The following HHIPL1 variants were observed in gnomAD, a reference collection of about 807,000 sequenced individuals.
The protein encoded by HHIPL1 is HHIP like 1, also known as HHIP-like protein 1.
In HHIPL1, 43 loss-of-function variants were observed where a neutral mutation model predicts 61.8. That is an observed-to-expected ratio of 0.70 (90% CI 0.55 to 0.90). HHIPL1 has a LOEUF of 0.90. HHIPL1 is among the 40% of genes least tolerant of loss of function. The probability of loss-of-function intolerance (pLI) is 0.00; values close to 1 mark genes in which losing one functional copy is unlikely to be tolerated. For synonymous variants in HHIPL1, 482 were observed against 515.8 expected (o/e 0.93, Z 0.89); for missense variants, 1,056 against 1,157.7 (o/e 0.91, Z 1.28).
chr14:99,630,157 A>G, the HHIPL1 span, among the ~76,000 whole-genome samples: 1 of 152,192 alleles, frequency 6.6e-6, no homozygotes, highest in South Asian at 2.1e-4. Flanking sequence ...GTGGCTATGG[A>G]TTCAGCCCCG....
intron 1 of HHIPL1, among the ~76,000 whole-genome samples, chr14:99,645,669 G>C (rs1384681759): frequency 6.6e-6 from 1 of 152,210 alleles, no homozygotes; most frequent in Non-Finnish European, 1.5e-5. Context: ...TTTGTGACTT[G>C]GGCCTTCTCG....
chr14:99,627,688 T>C, the HHIPL1 span, among the ~76,000 whole-genome samples: 1 of 152,194 alleles, frequency 6.6e-6, no homozygotes, highest in Non-Finnish European at 1.5e-5. This position sits in a 1 kb window ranked among gnomAD's most constrained non-coding sequence, Gnocchi z 4.4. Context: ...CCAGGTAAGC[T>C]GGGCTTGGCC....
chr14:99,659,390 G>A, intron 3 of HHIPL1, 38 bp from the exon 4 acceptor site: 1 of 1,385,858 alleles, frequency 7.2e-7, no homozygotes, highest in Non-Finnish European at 9.3e-7. Flanking sequence ...CTGGCTCAGG[G>A]CGACCCCGAG....
the HHIPL1 span, among the ~76,000 whole-genome samples, chr14:99,617,937 G>A: frequency 2.6e-5 from 4 of 152,192 alleles, no homozygotes; most frequent in Non-Finnish European, 5.9e-5. Context: ...ATGTTTGGGG[G>A]TCTGTAGCAG....
the HHIPL1 span, among the ~76,000 whole-genome samples, chr14:99,611,339 G>A: frequency 1.3e-5 from 2 of 150,462 alleles, no homozygotes; most frequent in Non-Finnish European, 3.0e-5. Flanking sequence ...TGTCACCCAG[G>A]CTGGAGTGCA....
the HHIPL1 span, among the ~76,000 whole-genome samples, chr14:99,616,203 G>T: frequency 6.6e-6 from 1 of 152,142 alleles, no homozygotes. Flanking sequence ...TTCAGTACAG[G>T]TACATGCTGT....
the HHIPL1 span, among the ~76,000 whole-genome samples, chr14:99,624,356 G>A: frequency 1.3e-5 from 2 of 152,206 alleles, no homozygotes; most frequent in African/African-American, 2.4e-5. Flanking sequence ...ATCTGTGGAT[G>A]GGTCAGCAGC....
intron 1 of HHIPL1, among the ~76,000 whole-genome samples, chr14:99,650,297 G>A (rs2055905533): frequency 6.6e-6 from 1 of 152,206 alleles, no homozygotes; most frequent in Non-Finnish European, 1.5e-5. Context: ...TGAGGGGAGG[G>A]AGTGTGTGGC....
Position 99,659,300 on chromosome 14 carries a change from C to T in HHIPL1, c.1047-128C>T. Reference sequence around the variant, plus strand: ...GCGGACAGCATCCCAGGGTCTCTGGCCCCACAGCCTAGGCTCACCCTGCAC... The same window carrying T: ...GCGGACAGCATCCCAGGGTCTCTGGTCCCACAGCCTAGGCTCACCCTGCAC... On this transcript the variant is annotated intron_variant, in intron 3 of 8. Transcript: ENST00000330710. The T allele has an allele frequency of 6.0e-6, 4 of 665,150 alleles. No individual in the cohort carries two copies. The South Asian group carries it at 7.7e-5, about 13-fold the overall frequency. 41.2% of individuals were successfully genotyped at this position (665,150 alleles called of 1,614,324 possible). A position where few individuals can be genotyped will look rare whatever the true frequency, so the allele number is the denominator to read the frequency against.
chr14:99,679,038 T>C lies in HHIPL1; in HGVS notation c.*3412T>C, dbSNP rs1156994157. 6.6e-6 allele frequency: 1 copy of C among 152,270 alleles called. No homozygotes were observed. Among genetic ancestry groups the C allele is most frequent in the Non-Finnish European group, 1.5e-5 (1 of 68,048 alleles). The allele number at this position is 152,270 out of a possible 1,614,324, so 9.4% of individuals were successfully genotyped here. A position where few individuals can be genotyped will look rare whatever the true frequency, so the allele number is the denominator to read the frequency against. ...TGTAATCCTCATATTAATGCACATT[T>C]ACTCACGTGGAAGCCGAGTTCCAGG... On this transcript the variant is annotated 3_prime_UTR_variant, in exon 9 of 9. Coordinates refer to ENST00000330710, the MANE Select transcript of HHIPL1 (RefSeq NM_001127258.3).
chr14:99,655,607 G>C (rs553747353), intron 2 of HHIPL1, among the ~76,000 whole-genome samples: 2 of 152,048 alleles, frequency 1.3e-5, no homozygotes, highest in Non-Finnish European at 2.9e-5. Flanking sequence ...CTGGGTGGTA[G>C]AGTCTCAAAA....
At chr14:99,621,364 C>T in the HHIPL1 span, among the ~76,000 whole-genome samples, 3 of 152,160 alleles carry the variant, frequency 2.0e-5, no homozygotes, top group Non-Finnish European at 4.4e-5. Context: ...CACAGAAGGC[C>T]GCCCTCTGTC....
intron 7 of HHIPL1, among the ~76,000 whole-genome samples, chr14:99,670,719 G>A (rs1055781928): frequency 2.6e-5 from 4 of 152,228 alleles, no homozygotes; most frequent in Admixed American, 6.5e-5. Context: ...TGGATCACAC[G>A]CAGACTTGGT....
the HHIPL1 span, among the ~76,000 whole-genome samples, chr14:99,619,103 C>T: frequency 5.9e-5 from 9 of 152,092 alleles, no homozygotes; most frequent in African/African-American, 1.2e-4. Context: ...CTATCCCTCC[C>T]GACACCCCGT....
chr14:99,664,626 C>T (rs967315053), intron 6 of HHIPL1, among the ~76,000 whole-genome samples: 1 of 152,190 alleles, frequency 6.6e-6, no homozygotes, highest in African/African-American at 2.4e-5. Context: ...CCCTCAGCTC[C>T]CACTTCTGCT....
chr14:99,660,142 TGGGC>T lies in HHIPL1; in HGVS notation c.1376-137_1376-134del. On this transcript the variant is annotated intron_variant, in intron 4 of 8. Transcript: ENST00000330710. This position sits in a 1 kb window ranked among gnomAD's most constrained non-coding sequence, Gnocchi z 4.9. ...GCTTTCCACCACGCCAGCCCTGCTG[TGGGC>T]ACGCCAGCCCTGCTGTGGGCACGCC... 5 of 700,668 alleles carry T rather than the reference TGGGC, an allele frequency of 7.1e-6. No homozygotes were observed. Among genetic ancestry groups the T allele is most frequent in the South Asian group, 2.5e-5 (1 of 39,426 alleles). The allele number at this position is 700,668 out of a possible 1,614,324, so 43.4% of individuals were successfully genotyped here. A position where few individuals can be genotyped will look rare whatever the true frequency, so the allele number is the denominator to read the frequency against.
chr14:99,645,340 T>A lies in HHIPL1; in HGVS notation c.133T>A (p.Phe45Ile). ...PLRLCAQYSD[F>I]GCCDEGRDAE... ...GCGCCTCTGCGCGCAGTACTCGGAC[T>A]TCGGCTGCTGCGATGAGGGGCGCGA... The change falls in exon 1 of 9, where the codon TTC becomes ATC. Residue 45 changes from phenylalanine (F) to isoleucine (I), a missense_variant. Coordinates refer to ENST00000330710, the MANE Select transcript of HHIPL1 (RefSeq NM_001127258.3). 6.9e-7 allele frequency: 1 copy of A among 1,455,654 alleles called. No homozygotes were observed. The highest frequency in any genetic ancestry group is 1.3e-5 in the South Asian group (1 of 74,806). 90.2% of individuals were successfully genotyped at this position (1,455,654 alleles called of 1,614,324 possible).
At chr14:99,637,970 C>T in the HHIPL1 span, among the ~76,000 whole-genome samples, 5 of 152,220 alleles carry the variant, frequency 3.3e-5, no homozygotes, top group African/African-American at 1.2e-4. Flanking sequence ...CTGAGGCACA[C>T]AGTTCTTCGT....
At chr14:99,621,106 A>G in the HHIPL1 span, among the ~76,000 whole-genome samples, 1 of 151,936 alleles carries the variant, frequency 6.6e-6, no homozygotes, top group African/African-American at 2.4e-5. Flanking sequence ...TGTTATGCCC[A>G]CTTTTTTTTT....
Sources: gnomAD v4.1 joint callset for allele counts (sites outside exome capture counted in the v4.1 genomes callset) on GRCh38, gnomAD v4.1.1 for gene constraint, Gnocchi (gnomAD v3.1) non-coding constraint, MANE v1.5 for transcripts, NCBI Gene and HGNC (gene_info 2026-07-23, HGNC 2026-07-21) for gene names.